The following OR2T2 variants were observed in gnomAD, a reference collection of about 807,000 sequenced individuals.
The protein encoded by OR2T2 is olfactory receptor 2T2.
For missense variants in OR2T2, 138 were observed against 409.1 expected, an observed-to-expected ratio of 0.34 and a Z score of 5.72; for synonymous variants, 50 against 162.7, an observed-to-expected ratio of 0.31 and a Z score of 5.27.
chr1:248,446,771 C>G (rs1486858399), exon 2 of OR2T2: 1 of 148,832 alleles, frequency 6.7e-6, no homozygotes, highest in Non-Finnish European at 1.5e-5. Context: ...GTACTTCTTT[C>G]TTTCTTGTCC....
intron 2 of OR2T2, among the ~76,000 whole-genome samples, chr1:248,447,355 G>A (rs1662688801): frequency 7.1e-6 from 1 of 140,180 alleles, no homozygotes; most frequent in Non-Finnish European, 1.5e-5. Context: ...ACTGCCAGGT[G>A]GATCTTTCAT....
At chr1:248,455,082 C>G (rs1662904560) in exon 3 of OR2T2, 1 of 151,548 alleles carries the variant, frequency 6.6e-6, no homozygotes, top group African/African-American at 2.5e-5. Context: ...ACTAACTAAG[C>G]AAAGACTACA....
At chr1:248,453,497 G>C (rs1167811919) in exon 3 of OR2T2, 11 of 1,588,570 alleles carry the variant, frequency 6.9e-6, no homozygotes, top group Non-Finnish European at 9.4e-6. Flanking sequence ...CTCTGCTGAG[G>C]GCCGGCGCAA....
exon 3 of OR2T2, chr1:248,453,800 G>A: frequency 6.1e-6 from 9 of 1,486,042 alleles, no homozygotes; most frequent in Non-Finnish European, 8.1e-6. Flanking sequence ...TCAGAGTGGT[G>A]ACTGTGATCG....
chr1:248,453,191 C>G (rs558609829), exon 3 of OR2T2: 1 of 1,610,850 alleles, frequency 6.2e-7, no homozygotes, highest in East Asian at 2.2e-5. Flanking sequence ...CAACCCTCTA[C>G]GGTACCCTCT....
At chr1:248,449,828 C>CTTTTTTTTTTTTTTTTTT (rs777942474) in intron 2 of OR2T2, among the ~76,000 whole-genome samples, 1 of 115,302 alleles carries the variant, frequency 8.7e-6, no homozygotes, top group Non-Finnish European at 1.6e-5. Flanking sequence ...TTTTCTTTTT[C>CTTTTTTTTTTTTTTTTTT]TTTTTTTTTT....
exon 2 of OR2T2, chr1:248,446,700 G>C (rs1432598768): frequency 6.8e-6 from 1 of 148,030 alleles, no homozygotes; most frequent in South Asian, 2.1e-4. Context: ...CCACATCACA[G>C]CCCTCCTGCT....
rs1380502324 is a variant in OR2T2, at chr1:248,448,073, TC to T, written c.-23+1263del. Among the ~76,000 whole-genome samples, 4 of 152,372 alleles carry T rather than the reference TC, an allele frequency of 2.6e-5. No individual in the cohort carries two copies. In the South Asian group the frequency reaches 8.3e-4, roughly 32 times the overall value. ...ACTGTGGCGGACTCAGTGCTTGTGT[TC>T]AAGTAACTCAGTTTTTCTTAATGGC... On this transcript the variant is annotated intron_variant, in intron 2 of 2. Coordinates refer to ENST00000642130, the Ensembl canonical transcript of OR2T2.
At chr1:248,450,366 G>A (rs187574726) in intron 2 of OR2T2, among the ~76,000 whole-genome samples, 9 of 143,802 alleles carry the variant, frequency 6.3e-5, no homozygotes, top group African/African-American at 1.4e-4. Context: ...TTTTTAACAC[G>A]GTCTCGGTTG....
At chr1:248,453,882 C>G (rs1437482106) in exon 3 of OR2T2, 12 of 1,453,562 alleles carry the variant, frequency 8.3e-6, no homozygotes, top group Non-Finnish European at 1.1e-5. Flanking sequence ...AGGACTAGCG[C>G]AAACATCTGC....
At chr1:248,445,761 C>T (rs1354725177) in intron 1 of OR2T2, 92 bp downstream of exon 1, 3 of 152,006 alleles carry the variant, frequency 2.0e-5, no homozygotes, top group Non-Finnish European at 2.9e-5. Flanking sequence ...TAGAAGGCCA[C>T]GTTACTACTG....
At chr1:248,453,068 A>C in exon 3 of OR2T2, 1 of 1,613,228 alleles carries the variant, frequency 6.2e-7, no homozygotes. Flanking sequence ...GTCCAAGGAC[A>C]AGACCATTTC....
chr1:248,450,084 C>G (rs1358733404), intron 2 of OR2T2, among the ~76,000 whole-genome samples: 1 of 148,330 alleles, frequency 6.7e-6, no homozygotes, highest in African/African-American at 2.6e-5. Context: ...TCCCTGTCTA[C>G]TTGCAATGCC....
chr1:248,453,205 C>T (rs371295867), exon 3 of OR2T2: 2 of 1,610,186 alleles, frequency 1.2e-6, no homozygotes, highest in Non-Finnish European at 1.7e-6. Context: ...ACCCTCTCCT[C>T]ATGAACCGCA....
chr1:248,451,607 CT>C (rs1242380157), intron 2 of OR2T2, among the ~76,000 whole-genome samples: 2 of 142,990 alleles, frequency 1.4e-5, no homozygotes, highest in Admixed American at 1.3e-4. Context: ...TCCTGAGTAG[CT>C]GGGATTGTAC....
At chr1:248,447,360 T>C (rs898802616) in intron 2 of OR2T2, among the ~76,000 whole-genome samples, 3 of 137,202 alleles carry the variant, frequency 2.2e-5, no homozygotes, top group Admixed American at 7.3e-5. Flanking sequence ...CAGGTGGATC[T>C]TTCATAAGTA....
chr1:248,450,280 TCA>T (rs927395903), intron 2 of OR2T2, among the ~76,000 whole-genome samples: 9 of 133,974 alleles, frequency 6.7e-5, no homozygotes, highest in African/African-American at 9.7e-5. Context: ...CATACCATGC[TCA>T]CACACTCACA....
chr1:248,447,824 T>A (rs1317441981), intron 2 of OR2T2, among the ~76,000 whole-genome samples: 1 of 151,850 alleles, frequency 6.6e-6, no homozygotes. Flanking sequence ...AATTCTGACA[T>A]GGTATTCCTC....
intron 1 of OR2T2, 40 bp downstream of exon 1, chr1:248,445,709 C>T (rs1237106507): frequency 6.6e-6 from 1 of 152,160 alleles, no homozygotes; most frequent in Non-Finnish European, 1.5e-5. Context: ...GAACATCACC[C>T]AGATACTGGG....
Sources: allele counts gnomAD v4.1 joint callset (sites outside exome capture counted in the v4.1 genomes callset), GRCh38; gene constraint gnomAD v4.1.1; transcripts MANE v1.5; gene names NCBI Gene and HGNC (gene_info 2026-07-23, HGNC 2026-07-21).